SORCS1: variants seen among roughly 807,000 people sequenced by gnomAD.
SORCS1 encodes the protein VPS10 domain-containing receptor SorCS1.
SORCS1 carries 60 observed loss-of-function variants against 146.1 expected under a neutral mutation model. That is an observed-to-expected ratio of 0.41 (90% CI 0.33 to 0.51). The LOEUF is 0.51. Ranked by LOEUF, SORCS1 falls within the 20% of genes least tolerant of loss-of-function variation. The probability of loss-of-function intolerance (pLI) is 0.21; values close to 1 mark genes in which losing one functional copy is unlikely to be tolerated. For missense variants in SORCS1, 1,352 were observed against 1,487.6 expected (o/e 0.91, Z 1.50); for synonymous variants, 637 against 584.0 (o/e 1.09, Z -1.31).
intron 1 of SORCS1, among the ~76,000 whole-genome samples, chr10:107,103,912 T>C (rs1590145305): frequency 6.6e-6 from 1 of 152,156 alleles, no homozygotes; most frequent in Admixed American, 6.5e-5. Flanking sequence ...TAACAGACCA[T>C]CATTTCACTG....
chr10:106,853,464 T>A (rs1368882525), intron 2 of SORCS1, among the ~76,000 whole-genome samples: 5 of 151,898 alleles, frequency 3.3e-5, no homozygotes, highest in Non-Finnish European at 7.4e-5. Flanking sequence ...CTTGTTGATT[T>A]ATGCTCTAAT....
In SORCS1 at chr10:106,944,871, C is replaced by CTTTTTTTTTTTTTTTTT. The variant is rs1564838013; in HGVS notation, c.626+11641_626+11642insAAAAAAAAAAAAAAAAA. On this transcript the variant is annotated intron_variant, in intron 2 of 25. Transcript: ENST00000263054. ...ATGGTAGAAAGAAGCAAGAAAGAGCCTTCTTTTTTTTTTTTTTTTTTTTTT... is the reference window on the plus strand; with the variant it reads ...ATGGTAGAAAGAAGCAAGAAAGAGCCTTTTTTTTTTTTTTTTTTTCTTTTTTTTTTTTTTTTTTTTTT... Among the ~76,000 whole-genome samples the CTTTTTTTTTTTTTTTTT allele has an allele frequency of 3.3e-4, 20 of 61,014 alleles. 1 individual carries two copies. The highest frequency in any genetic ancestry group is 0.012 in the Middle Eastern group (1 of 86). The allele number at this position is 61,014 out of a possible 152,430, so 40.0% of individuals were successfully genotyped here.
Position 107,094,841 on chromosome 10 carries a change from T to C in SORCS1, c.558+69128A>G, listed in dbSNP as rs530255334. Among the ~76,000 whole-genome samples the C allele has an allele frequency of 2.0e-5, 3 of 152,324 alleles. No individual in the cohort carries two copies. The East Asian group carries it at 5.8e-4, about 29-fold the overall frequency. On this transcript the variant is annotated intron_variant, in intron 1 of 25. Transcript: ENST00000263054. ...ATGGTTAGATGTTAAGTATGGTCCC[T>C]GACACAGCCAGCCCCTTCACTCTTT...
In SORCS1 at chr10:107,020,498, A is replaced by C. The variant is rs567875539; in HGVS notation, c.559-63918T>G. Among the ~76,000 whole-genome samples the C allele has an allele frequency of 4.6e-5, 7 of 152,364 alleles. No individual in the cohort carries two copies. In the South Asian group the frequency reaches 1.4e-3, roughly 32 times the overall value. On this transcript the variant is annotated intron_variant, in intron 1 of 25. Transcript: ENST00000263054. ...GACACAGAACAAAGCTTTAGGGAGA[A>C]AATCTGCTTGATTTAGCATTTATAG...
chr10:107,101,342 G>A (rs960408612), intron 1 of SORCS1, among the ~76,000 whole-genome samples: 12 of 152,116 alleles, frequency 7.9e-5, no homozygotes, highest in Non-Finnish European at 1.2e-4. Flanking sequence ...CACCGTGCCC[G>A]GTCTATTTTT....
chr10:107,068,869 C>A (rs74428255), intron 1 of SORCS1, among the ~76,000 whole-genome samples: 508 of 122,386 alleles, frequency 4.2e-3, no homozygotes, highest in East Asian at 5.6e-3. Context: ...GACTCCGTCT[C>A]AAAAAAAAAA....
chr10:107,155,580 T>A (rs1969211379), intron 1 of SORCS1, among the ~76,000 whole-genome samples: 1 of 152,208 alleles, frequency 6.6e-6, no homozygotes, highest in Non-Finnish European at 1.5e-5. Context: ...GGGTGCTGAA[T>A]GTGCCCAAAA....
rs373487029 is a variant in SORCS1, at chr10:106,611,608, G to T, written c.3033+303C>A. On this transcript the variant is annotated intron_variant, in intron 22 of 25. Coordinates refer to ENST00000263054, the MANE Select transcript of SORCS1 (RefSeq NM_052918.5). ...TGGCCTAATTGTGAACTCTGCTACAGAAATGTGGACAAAGGAGTTTAGGAT... is the reference window on the plus strand; with the variant it reads ...TGGCCTAATTGTGAACTCTGCTACATAAATGTGGACAAAGGAGTTTAGGAT... 7.1e-4 allele frequency among the ~76,000 whole-genome samples: 108 copies of T among 152,308 alleles called. 2 individuals carry two copies. The South Asian group carries it at 0.022, about 30-fold the overall frequency.
At chr10:106,772,238 G>GT (rs1319810412) in intron 4 of SORCS1, among the ~76,000 whole-genome samples, 80 of 152,240 alleles carry the variant, frequency 5.3e-4, no homozygotes, top group African/African-American at 1.8e-3. Context: ...ATATCCATCT[G>GT]TCTCCCCTGG....
intron 1 of SORCS1, among the ~76,000 whole-genome samples, chr10:107,130,877 C>T (rs906915939): frequency 2.6e-5 from 4 of 152,014 alleles, no homozygotes; most frequent in African/African-American, 9.7e-5. Flanking sequence ...CCATCACCAC[C>T]ATCTATTTCC....
chr10:107,026,946 T>G (rs1239639036), intron 1 of SORCS1, among the ~76,000 whole-genome samples: 2 of 151,022 alleles, frequency 1.3e-5, no homozygotes, highest in Non-Finnish European at 1.5e-5. Context: ...TAATGCGTCT[T>G]TAAAAATATG....
chr10:106,653,502 G>A (rs543108187), intron 17 of SORCS1, among the ~76,000 whole-genome samples: 2 of 152,206 alleles, frequency 1.3e-5, no homozygotes, highest in Non-Finnish European at 2.9e-5. Context: ...CAGTTTTGCA[G>A]GTTATGTAGA....
At chr10:106,716,021 G>C (rs959128279) in intron 6 of SORCS1, among the ~76,000 whole-genome samples, 6 of 152,156 alleles carry the variant, frequency 3.9e-5, no homozygotes, top group African/African-American at 1.4e-4. Context: ...AAAGTGCTGT[G>C]ATTACAGGAG....
chr10:106,791,554 T>C (rs1318796554), intron 3 of SORCS1, among the ~76,000 whole-genome samples: 1 of 151,982 alleles, frequency 6.6e-6, no homozygotes, highest in Non-Finnish European at 1.5e-5. Flanking sequence ...ACAAAATTAG[T>C]TGGGCGTGGT....
chr10:106,773,008 T>TA (rs1273445965), intron 4 of SORCS1, among the ~76,000 whole-genome samples: 6 of 151,898 alleles, frequency 4.0e-5, no homozygotes, highest in Non-Finnish European at 5.9e-5. Context: ...GAGTATGCCT[T>TA]AAAAAAACAA....
chr10:106,880,109 CAA>C (rs1278965942), intron 2 of SORCS1, among the ~76,000 whole-genome samples: 6 of 152,156 alleles, frequency 3.9e-5, no homozygotes, highest in Admixed American at 3.3e-4. Context: ...GCCTGGAACG[CAA>C]AGTGTTCACA....
rs772387950 is a variant in SORCS1, at chr10:107,164,212, G to T, written c.315C>A (p.Ser105=). Residue 105 remains serine, a synonymous_variant, in exon 1 of 26, where the codon TCC becomes TCA. Coordinates refer to ENST00000263054, the MANE Select transcript of SORCS1 (RefSeq NM_052918.5). This position sits in a 1 kb window ranked among gnomAD's most constrained non-coding sequence, Gnocchi z 6.8. ...CCGCTCCGCTCCGTCTCCTCCGGCC[G>T]GAGCGTGCAGCAACCGCCATGGATG... ...TGASMAVAAR[S]GRRRRSGADQ... is the part of the protein sequence containing the mutation. 3.1e-6 allele frequency: 5 copies of T among 1,609,094 alleles called. No individual in the cohort carries two copies. The Middle Eastern group carries it at 6.6e-4, about 212-fold the overall frequency.
chr10:107,044,858 T>C (rs1427769076), intron 1 of SORCS1, among the ~76,000 whole-genome samples: 1 of 144,958 alleles, frequency 6.9e-6, no homozygotes, highest in African/African-American at 2.6e-5. Context: ...ACAAATGCAA[T>C]GATGTATTAT....
rs778633420 is a variant in SORCS1 at position 106,679,266 on chromosome 10, G to A, written c.1730C>T (p.Thr577Ile). ...SMFVSSDAGN[T>I]WRQIFEEEHS... Reference sequence around the variant, plus strand: ...AGGGTATTTTCTTACCTGTCTCCAGGTGTTCCCTGCATCTGAAGAGACAAA... The same window carrying A: ...AGGGTATTTTCTTACCTGTCTCCAGATGTTCCCTGCATCTGAAGAGACAAA... Residue 577 changes from threonine (T) to isoleucine (I), a missense_variant, in exon 12 of 26, where the codon ACC becomes ATC. Coordinates refer to ENST00000263054, the MANE Select transcript of SORCS1 (RefSeq NM_052918.5). The A allele has an allele frequency of 1.6e-5, 26 of 1,612,540 alleles. No individual in the cohort carries two copies. Among genetic ancestry groups the A allele is most frequent in the Non-Finnish European group, 2.1e-5 (25 of 1,179,048 alleles).
Sources: gnomAD v4.1 joint callset for allele counts (sites outside exome capture counted in the v4.1 genomes callset) on GRCh38, gnomAD v4.1.1 for gene constraint, Gnocchi (gnomAD v3.1) non-coding constraint, MANE v1.5 for transcripts, NCBI Gene and HGNC (gene_info 2026-07-23, HGNC 2026-07-21) for gene names.